The following HERC3 variants were observed in gnomAD, a reference collection of about 807,000 sequenced individuals.
HERC3 encodes probable E3 ubiquitin-protein ligase HERC3.
HERC3 carries 58 observed loss-of-function variants against 129.9 expected under a neutral mutation model. That is an observed-to-expected ratio of 0.45 (90% CI 0.36 to 0.56). The LOEUF (loss-of-function observed/expected upper bound fraction) is 0.56. Among genes scored for constraint, HERC3 ranks in the 20% least tolerant of loss-of-function variants. HERC3 has a pLI of 0.00. For synonymous variants in HERC3, 430 were observed against 451.0 expected (o/e 0.95, Z 0.59); for missense variants, 835 against 1,244.2 (o/e 0.67, Z 4.95).
chr4:88,526,203 ACT>A, the HERC3 span, among the ~76,000 whole-genome samples: 1 of 152,174 alleles, frequency 6.6e-6, no homozygotes, highest in East Asian at 1.9e-4. Flanking sequence ...CTTCTGGGAC[ACT>A]CTTTTTAACT....
In HERC3 at chr4:88,679,982, C is replaced by A. The variant is rs555699236; in HGVS notation, c.2197-111C>A. 80 of 920,988 alleles carry A rather than the reference C, an allele frequency of 8.7e-5. 1 individual carries two copies. The Middle Eastern group carries it at 1.1e-3, about 12-fold the overall frequency. 57.1% of individuals were successfully genotyped at this position (920,988 alleles called of 1,614,324 possible). A position where few individuals can be genotyped will look rare whatever the true frequency, so the allele number is the denominator to read the frequency against. On this transcript the variant is annotated intron_variant, in intron 19 of 25. Coordinates refer to ENST00000402738, the MANE Select transcript of HERC3 (RefSeq NM_014606.3). ...AGTTTTCATTGCATCAGTGTGTATTCTTTGTTATGCTTTCCTTCCTTTGTC... is the reference window on the plus strand; with the variant it reads ...AGTTTTCATTGCATCAGTGTGTATTATTTGTTATGCTTTCCTTCCTTTGTC...
the HERC3 span, among the ~76,000 whole-genome samples, chr4:88,562,900 A>G: frequency 8.5e-5 from 13 of 152,278 alleles, no homozygotes; most frequent in African/African-American, 2.6e-4. Context: ...TTTGGTTACA[A>G]TAGCTCTGTA....
intron 3 of HERC3, among the ~76,000 whole-genome samples, chr4:88,646,970 ATCT>A (rs922953804): frequency 6.6e-6 from 1 of 152,090 alleles, no homozygotes; most frequent in Non-Finnish European, 1.5e-5. Flanking sequence ...CCTATTGTCC[ATCT>A]TCTTTAACCT....
the HERC3 span, among the ~76,000 whole-genome samples, chr4:88,571,419 G>A: frequency 6.6e-6 from 1 of 152,146 alleles, no homozygotes; most frequent in African/African-American, 2.4e-5. Flanking sequence ...AATATCCATG[G>A]CCCTAAACTA....
chr4:88,666,835 C>T (rs1022784799), intron 12 of HERC3, among the ~76,000 whole-genome samples: 1 of 152,234 alleles, frequency 6.6e-6, no homozygotes, highest in Middle Eastern at 3.4e-3. Context: ...TTTGTGTTAA[C>T]GATGAGAGAC....
At chr4:88,571,575 T>C in the HERC3 span, among the ~76,000 whole-genome samples, 1,910 of 152,268 alleles carry the variant, frequency 0.013, 41 homozygotes, top group African/African-American at 0.043. Flanking sequence ...AAGTCTTAGG[T>C]ATATCTATTC....
At chr4:88,672,678 C>T (rs1731740216) in intron 16 of HERC3, among the ~76,000 whole-genome samples, 2 of 152,148 alleles carry the variant, frequency 1.3e-5, no homozygotes, top group South Asian at 4.1e-4. Context: ...GGTCTAATGG[C>T]CATGGCCTTA....
At chr4:88,688,624 A>C (rs535166943) in intron 23 of HERC3, among the ~76,000 whole-genome samples, 2 of 152,230 alleles carry the variant, frequency 1.3e-5, no homozygotes, top group Admixed American at 1.3e-4. Flanking sequence ...GGAAAGTTCC[A>C]TTTTGAATAT....
chr4:88,537,499 C>T, the HERC3 span, among the ~76,000 whole-genome samples: 1 of 152,108 alleles, frequency 6.6e-6, no homozygotes, highest in Non-Finnish European at 1.5e-5. Context: ...TTAGTGCATC[C>T]TACCAAGAAT....
chr4:88,695,062 T>C (rs1205327866), intron 23 of HERC3, among the ~76,000 whole-genome samples: 1 of 152,188 alleles, frequency 6.6e-6, no homozygotes, highest in Non-Finnish European at 1.5e-5. Context: ...AATAGTAAAA[T>C]GATAGTCTCT....
At chr4:88,586,560 T>C in the HERC3 span, among the ~76,000 whole-genome samples, 2,486 of 152,170 alleles carry the variant, frequency 0.016, 62 homozygotes, top group African/African-American at 0.057. Flanking sequence ...GTTTCTGCCA[T>C]GTTGGCCAGG....
the HERC3 span, among the ~76,000 whole-genome samples, chr4:88,543,747 G>A: frequency 6.6e-6 from 1 of 152,034 alleles, no homozygotes; most frequent in Non-Finnish European, 1.5e-5. Flanking sequence ...ACAGAACAGG[G>A]GCCTCAGAAA....
intron 23 of HERC3, chr4:88,697,638 G>A (rs771560957): frequency 6.2e-7 from 1 of 1,613,612 alleles, no homozygotes; most frequent in East Asian, 2.2e-5. Flanking sequence ...CACCAGCCGC[G>A]CTGTCACAGT....
intron 3 of HERC3, among the ~76,000 whole-genome samples, chr4:88,610,766 T>C (rs1724226470): frequency 6.6e-6 from 1 of 152,174 alleles, no homozygotes; most frequent in Admixed American, 6.5e-5. Flanking sequence ...CGCAGAACAA[T>C]GATAGCAAAG....
the HERC3 span, among the ~76,000 whole-genome samples, chr4:88,548,252 T>G: frequency 1.8e-4 from 28 of 152,332 alleles, no homozygotes; most frequent in Non-Finnish European, 2.4e-4. Context: ...ACTCTGTGTT[T>G]GATGTTTTAA....
chr4:88,544,027 A>G, the HERC3 span, among the ~76,000 whole-genome samples: 1 of 152,252 alleles, frequency 6.6e-6, no homozygotes, highest in Non-Finnish European at 1.5e-5. Flanking sequence ...CTTCATGACT[A>G]AAACACCAAA....
At chr4:88,643,928 A>C (rs1728413562) in intron 3 of HERC3, among the ~76,000 whole-genome samples, 1 of 152,194 alleles carries the variant, frequency 6.6e-6, no homozygotes, top group Non-Finnish European at 1.5e-5. Context: ...GAATGAAAAA[A>C]CAACTCAATA....
chr4:88,695,265 C>G (rs1734485906), intron 23 of HERC3, among the ~76,000 whole-genome samples: 1 of 152,080 alleles, frequency 6.6e-6, no homozygotes, highest in South Asian at 2.1e-4. Context: ...TTGTGATTAG[C>G]AACAGGTCAG....
At chr4:88,685,425 G>T (rs1578316114) in intron 21 of HERC3, among the ~76,000 whole-genome samples, 2 of 152,286 alleles carry the variant, frequency 1.3e-5, no homozygotes, top group East Asian at 3.9e-4. Context: ...CCATAAAAAT[G>T]AATGAGTTTA....
Sources: allele counts gnomAD v4.1 joint callset (sites outside exome capture counted in the v4.1 genomes callset), GRCh38; gene constraint gnomAD v4.1.1; transcripts MANE v1.5; gene names NCBI Gene and HGNC (gene_info 2026-07-23, HGNC 2026-07-21).